SGO1: variants seen among roughly 807,000 people sequenced by gnomAD.
SGO1 encodes shugoshin 1, also known as serologically defined breast cancer antigen NY-BR-85.
Under a neutral mutation model 50.5 loss-of-function variants are expected in SGO1, and 39 were observed. That is an observed-to-expected ratio of 0.77 (90% CI 0.60 to 1.01). The LOEUF (loss-of-function observed/expected upper bound fraction) is 1.01, where lower values mean the gene tolerates loss of function less well. Ranked by LOEUF, SGO1 falls within the 50% of genes least tolerant of loss-of-function variation. The pLI is 0.00. For synonymous variants in SGO1, 191 were observed against 205.1 expected, an observed-to-expected ratio of 0.93 and a Z score of 0.59; for missense variants, 638 against 606.0, an observed-to-expected ratio of 1.05 and a Z score of -0.55.
chr3:20,185,724 T>C (rs548722004), intron 1 of SGO1, among the ~76,000 whole-genome samples: 37 of 152,300 alleles, frequency 2.4e-4, no homozygotes, highest in Non-Finnish European at 4.6e-4. Context: ...TTTTAGCTAT[T>C]GTAAAAGCTT....
At chr3:20,186,250 T>A (rs1301655864), upstream of SGO1, 1 of 152,194 alleles carries the variant, frequency 6.6e-6, no homozygotes, top group Non-Finnish European at 1.5e-5. Flanking sequence ...TGGGAGGCGG[T>A]CACGTGGCGC....
At chr3:20,163,840 ATAACT>A (rs1290094508) in intron 8 of SGO1, among the ~76,000 whole-genome samples, 1 of 152,224 alleles carries the variant, frequency 6.6e-6, no homozygotes, top group Non-Finnish European at 1.5e-5. Flanking sequence ...TAACAATTTG[ATAACT>A]TAGATGAACA....
In SGO1 at chr3:20,174,822, T is replaced by C; in HGVS notation, c.709A>G (p.Ile237Val). The C allele has an allele frequency of 6.2e-7, 1 of 1,614,146 alleles. No individual in the cohort carries two copies. Among genetic ancestry groups the C allele is most frequent in the Non-Finnish European group, 8.5e-7 (1 of 1,180,020 alleles). Residue 237 changes from isoleucine (I) to valine (V), a missense_variant, in exon 6 of 8, where the codon ATA becomes GTA. Physicochemically the swap from Ile to Val is conservative, Grantham distance 29. Transcript: ENST00000412997. ...GCATTGTGTTGTACATTTTCAGGTA[T>C]GTGCATGTTTACTAGTGGGTCTAAA... ...GFLDPLVNMH[I>V]PENVQHNACQ... is the part of the protein sequence containing the mutation.
chr3:20,177,976 A>G (rs528390451), intron 4 of SGO1, among the ~76,000 whole-genome samples: 4 of 152,256 alleles, frequency 2.6e-5, no homozygotes, highest in African/African-American at 9.6e-5. Flanking sequence ...GAATAAAAAC[A>G]TGGTACACAG....
chr3:20,166,218 G>A (rs537568796), downstream of SGO1, among the ~76,000 whole-genome samples: 2 of 152,182 alleles, frequency 1.3e-5, no homozygotes, highest in African/African-American at 2.4e-5. Flanking sequence ...ACAGAATGGG[G>A]GAGGACATTT....
chr3:20,174,306 G>A lies in SGO1; in HGVS notation c.1225C>T (p.Leu409=), dbSNP rs920744942. ...PVTRPLAKRA[L]KYTDEKETEG... ...GTCTCTTTTTCATCTGTGTATTTCA[G>A]TGCTCTTTTAGCTAGAGGCCTGGTG... Residue 409 remains leucine, a synonymous_variant, in exon 6 of 8, where the codon CTG becomes TTG. Coordinates refer to ENST00000412997, the MANE Select transcript of SGO1 (RefSeq NM_001199251.3). 2.5e-6 allele frequency: 4 copies of A among 1,614,154 alleles called. No homozygotes were observed. In the East Asian group the frequency reaches 8.9e-5, roughly 36 times the overall value.
At position 20,170,608 on chromosome 3, in the gene SGO1, G is replaced by A. The variant is rs1700611655; in HGVS notation, c.*96C>T. On this transcript the variant is annotated 3_prime_UTR_variant, in exon 8 of 8. Coordinates refer to ENST00000412997, the MANE Select transcript of SGO1 (RefSeq NM_001199251.3). ...GGGTCCTGTCAAGAGAATATTCTAT[G>A]GCAATGGCTCACTCTGTTTGTGTAC... 11 of 1,401,370 alleles carry A rather than the reference G, an allele frequency of 7.8e-6. No individual in the cohort carries two copies. The South Asian group carries it at 2.0e-4, about 25-fold the overall frequency. 86.8% of individuals were successfully genotyped at this position (1,401,370 alleles called of 1,614,324 possible). A position where few individuals can be genotyped will look rare whatever the true frequency, so the allele number is the denominator to read the frequency against.
chr3:20,160,967 T>C lies in SGO1; in HGVS notation c.*138A>G, dbSNP rs1030093950. The C allele has an allele frequency of 2.3e-6, 3 of 1,316,106 alleles. No individual in the cohort carries two copies. In the African/African-American group the frequency reaches 4.5e-5, roughly 20 times the overall value. The allele number at this position is 1,316,106 out of a possible 1,614,324, so 81.5% of individuals were successfully genotyped here. A position where few individuals can be genotyped will look rare whatever the true frequency, so the allele number is the denominator to read the frequency against. On this transcript the variant is annotated 3_prime_UTR_variant, in exon 9 of 9. Coordinates refer to the SGO1 transcript ENST00000263753. ...TAAAGGGCTTAGATTTTATTATGTATGTAGGCTGAGTGAAACAGACTGTCA... is the reference window on the plus strand; with the variant it reads ...TAAAGGGCTTAGATTTTATTATGTACGTAGGCTGAGTGAAACAGACTGTCA...
rs1304523186 is a variant in SGO1 at position 20,174,333 on chromosome 3, C to G, written c.1198G>C (p.Val400Leu). The G allele has an allele frequency of 4.3e-6, 7 of 1,614,186 alleles. No homozygotes were observed. In the Admixed American group the frequency reaches 1.2e-4, roughly 27 times the overall value. ...QNPTSNSDRP[V>L]TRPLAKRALK... is the part of the protein sequence containing the mutation. ...GCTCTTTTAGCTAGAGGCCTGGTGA[C>G]TGGTCTATCTGAATTGCTCGTGGGA... The change falls in exon 6 of 8, where the codon GTC (valine) becomes CTC (leucine). Residue 400 changes from valine (V) to leucine (L), a missense_variant. Val to Leu is a conservative substitution (Grantham distance 32, BLOSUM62 1). Coordinates refer to ENST00000412997, the MANE Select transcript of SGO1 (RefSeq NM_001199251.3).
chr3:20,177,985 A>G (rs3852067), intron 4 of SGO1, among the ~76,000 whole-genome samples: 84,745 of 151,900 alleles, frequency 0.56, 24,812 homozygotes, highest in East Asian at 0.95. Context: ...CATGGTACAC[A>G]GAAAAGTATG....
At chr3:20,165,855 C>A (rs1323625096), downstream of SGO1, among the ~76,000 whole-genome samples, 1 of 152,062 alleles carries the variant, frequency 6.6e-6, no homozygotes, top group Non-Finnish European at 1.5e-5. Flanking sequence ...AGTTTGAGAC[C>A]AGCCTGGCCA....
downstream of SGO1, among the ~76,000 whole-genome samples, chr3:20,166,191 G>T (rs1700291052): frequency 6.6e-6 from 1 of 152,100 alleles, no homozygotes; most frequent in Non-Finnish European, 1.5e-5. Flanking sequence ...ACTATCAACA[G>T]AGTAAAAAGG....
In SGO1 at chr3:20,184,054, T is replaced by C. The variant is rs1212745916; in HGVS notation, c.-7-20A>G. 1 of 1,540,528 alleles carries C rather than the reference T, an allele frequency of 6.5e-7. No individual in the cohort carries two copies. Among genetic ancestry groups the C allele is most frequent in the South Asian group, 1.2e-5 (1 of 80,176 alleles). ...TTTTGCCTAAACAATAAAAAATATT[T>C]TTTCTCAGAGAGAATATTATCAAAT... is the stretch of plus-strand genomic sequence containing the variant. On this transcript the variant is annotated intron_variant, in intron 1 of 7. Coordinates refer to ENST00000412997, the MANE Select transcript of SGO1 (RefSeq NM_001199251.3).
At chr3:20,184,055 T>C in intron 1 of SGO1, 21 bp from the exon 2 acceptor site, 1 of 1,538,998 alleles carries the variant, frequency 6.5e-7, no homozygotes, top group Non-Finnish European at 8.7e-7. Flanking sequence ...AAAAATATTT[T>C]TTCTCAGAGA....
rs1397196662 is a variant in SGO1 at position 20,170,590 on chromosome 3, G to C, written c.*114C>G. The C allele has an allele frequency of 7.3e-7, 1 of 1,377,414 alleles. No homozygotes were observed. The allele number at this position is 1,377,414 out of a possible 1,614,324, so 85.3% of individuals were successfully genotyped here. A position where few individuals can be genotyped will look rare whatever the true frequency, so the allele number is the denominator to read the frequency against. ...AGAAATGTTTATGAGCTAGGGTCCT[G>C]TCAAGAGAATATTCTATGGCAATGG... On this transcript the variant is annotated 3_prime_UTR_variant, in exon 8 of 8. Transcript: ENST00000412997.
chr3:20,161,865 C>G (rs1417352942), intron 8 of SGO1, among the ~76,000 whole-genome samples: 1 of 152,106 alleles, frequency 6.6e-6, no homozygotes, highest in African/African-American at 2.4e-5. Context: ...TCAGCCACTA[C>G]AAGCAAAAAA....
At chr3:20,185,803 C>A (rs1702590731) in intron 1 of SGO1, 145 bp downstream of exon 1, 1 of 152,232 alleles carries the variant, frequency 6.6e-6, no homozygotes, top group South Asian at 2.1e-4. Context: ...GAAGCCGGAA[C>A]ATCTGAAAGC....
At chr3:20,169,332 T>A, downstream of SGO1, 1 of 983,300 alleles carries the variant, frequency 1.0e-6, no homozygotes, top group Non-Finnish European at 1.2e-6. Context: ...CAATGACTAC[T>A]GAAAATACTA....
Position 20,170,628 on chromosome 3 carries a change from G to T in SGO1, c.*76C>A. 4 of 1,447,070 alleles carry T rather than the reference G, an allele frequency of 2.8e-6. No homozygotes were observed. In the South Asian group the frequency reaches 4.7e-5, roughly 17 times the overall value. The allele number at this position is 1,447,070 out of a possible 1,614,324, so 89.6% of individuals were successfully genotyped here. A position where few individuals can be genotyped will look rare whatever the true frequency, so the allele number is the denominator to read the frequency against. The stretch of plus-strand genomic sequence containing the variant: ...TCTATGGCAATGGCTCACTCTGTTT[G>T]TGTACTCTTACAGATCCTCTCCTGA... On this transcript the variant is annotated 3_prime_UTR_variant, in exon 8 of 8. Coordinates refer to ENST00000412997, the MANE Select transcript of SGO1 (RefSeq NM_001199251.3).
Sources: gnomAD v4.1 joint callset for allele counts (sites outside exome capture counted in the v4.1 genomes callset) on GRCh38, gnomAD v4.1.1 for gene constraint, MANE v1.5 for transcripts, NCBI Gene and HGNC (gene_info 2026-07-23, HGNC 2026-07-21) for gene names.